FBXL17: variants seen among roughly 807,000 people sequenced by gnomAD.
FBXL17 encodes F-box and leucine rich repeat protein 17, also known as F-box/LRR-repeat protein 17.
In FBXL17, 22 loss-of-function variants were observed where a neutral mutation model predicts 66.2. The observed-to-expected ratio is 0.33, with a 90% CI of 0.24 to 0.47. The LOEUF (loss-of-function observed/expected upper bound fraction) is 0.47, where lower values mean the gene tolerates loss of function less well. Ranked by LOEUF, FBXL17 falls within the 20% of genes least tolerant of loss-of-function variation. The probability of loss-of-function intolerance (pLI) is 1.00; values close to 1 mark genes in which losing one functional copy is unlikely to be tolerated. For synonymous variants in FBXL17, 474 were observed against 400.5 expected, an observed-to-expected ratio of 1.18 and a Z score of -2.19; for missense variants, 878 against 948.2, an observed-to-expected ratio of 0.93 and a Z score of 0.97.
At chr5:108,048,147 G>A (rs1451806392) in intron 6 of FBXL17, among the ~76,000 whole-genome samples, 1 of 152,198 alleles carries the variant, frequency 6.6e-6, no homozygotes, top group African/African-American at 2.4e-5. Context: ...AGGCATGGGA[G>A]CAAAGCAGAT....
At chr5:108,211,361 T>C (rs967668141) in intron 5 of FBXL17, among the ~76,000 whole-genome samples, 1 of 152,192 alleles carries the variant, frequency 6.6e-6, no homozygotes, top group African/African-American at 2.4e-5. Flanking sequence ...AATTCGATCC[T>C]GTCATTATGA....
chr5:108,291,371 C>G (rs1375553038), intron 4 of FBXL17, among the ~76,000 whole-genome samples: 2 of 152,170 alleles, frequency 1.3e-5, no homozygotes, highest in Non-Finnish European at 2.9e-5. Flanking sequence ...TCATCACGTG[C>G]TCTGCTTTTC....
At chr5:108,333,805 G>A (rs746445551) in intron 4 of FBXL17, among the ~76,000 whole-genome samples, 2 of 151,940 alleles carry the variant, frequency 1.3e-5, no homozygotes, top group Non-Finnish European at 2.9e-5. Flanking sequence ...GATTAGAAAG[G>A]GTTATCTTAA....
chr5:108,179,670 A>C (rs905140400), intron 6 of FBXL17, among the ~76,000 whole-genome samples: 3 of 152,270 alleles, frequency 2.0e-5, no homozygotes, highest in Admixed American at 6.5e-5. Context: ...CAAAGAGTGC[A>C]TTCTCTATTT....
At chr5:108,230,086 T>C (rs1755262286) in intron 4 of FBXL17, among the ~76,000 whole-genome samples, 2 of 152,196 alleles carry the variant, frequency 1.3e-5, no homozygotes, top group Admixed American at 1.3e-4. Flanking sequence ...TTGGCGTAGA[T>C]GTGGTTAAAA....
intron 7 of FBXL17, among the ~76,000 whole-genome samples, chr5:107,907,776 A>G: frequency 6.6e-6 from 1 of 152,210 alleles, no homozygotes; most frequent in Non-Finnish European, 1.5e-5. Flanking sequence ...AATGGCAATC[A>G]TTAAAAAGTC....
At chr5:108,351,920 G>A (rs539889700) in intron 3 of FBXL17, among the ~76,000 whole-genome samples, 27 of 152,336 alleles carry the variant, frequency 1.8e-4, no homozygotes, top group Non-Finnish European at 1.2e-4. Flanking sequence ...AAATCACAGC[G>A]CCGCAGGCTG....
At chr5:107,966,179 T>C (rs922664993) in intron 7 of FBXL17, among the ~76,000 whole-genome samples, 1 of 152,166 alleles carries the variant, frequency 6.6e-6, no homozygotes, top group African/African-American at 2.4e-5. Flanking sequence ...CTTTCAACTC[T>C]TGCAAGCCAT....
chr5:107,995,082 C>T (rs892589167), intron 7 of FBXL17, among the ~76,000 whole-genome samples: 3 of 152,100 alleles, frequency 2.0e-5, no homozygotes, highest in African/African-American at 7.2e-5. Flanking sequence ...TGAAGATTCA[C>T]TGAACTGCGT....
At chr5:108,246,664 C>T (rs867373731) in intron 4 of FBXL17, among the ~76,000 whole-genome samples, 11 of 152,134 alleles carry the variant, frequency 7.2e-5, no homozygotes, top group African/African-American at 2.2e-4. Context: ...AACAGAATTG[C>T]CATAGGGCAT....
At chr5:108,100,433 A>G (rs947729809) in intron 6 of FBXL17, among the ~76,000 whole-genome samples, 13 of 152,314 alleles carry the variant, frequency 8.5e-5, no homozygotes, top group African/African-American at 2.9e-4. Flanking sequence ...ATTTATCCTT[A>G]CATCAAACTG....
chr5:108,354,262 T>C (rs1367538641), intron 3 of FBXL17, among the ~76,000 whole-genome samples: 1 of 152,186 alleles, frequency 6.6e-6, no homozygotes, highest in African/African-American at 2.4e-5. Flanking sequence ...GCAGGAATGT[T>C]GGAATTACCA....
chr5:108,009,085 T>C (rs1050848920), intron 7 of FBXL17, among the ~76,000 whole-genome samples: 1 of 149,408 alleles, frequency 6.7e-6, no homozygotes, highest in African/African-American at 2.5e-5. Context: ...ACATAGCTAG[T>C]TTTCCACACA....
chr5:108,221,014 A>C (rs1235860808), intron 5 of FBXL17, among the ~76,000 whole-genome samples: 2 of 152,168 alleles, frequency 1.3e-5, no homozygotes, highest in African/African-American at 4.8e-5. Flanking sequence ...CAGTCCCATA[A>C]ATATGACTTT....
At chr5:108,057,368 T>C (rs747228692) in intron 6 of FBXL17, among the ~76,000 whole-genome samples, 64 of 152,288 alleles carry the variant, frequency 4.2e-4, no homozygotes, top group Non-Finnish European at 6.3e-4. Context: ...AGAAATAGTA[T>C]GATTTTCATG....
intron 6 of FBXL17, among the ~76,000 whole-genome samples, chr5:108,048,453 G>A (rs1363444748): frequency 6.6e-6 from 1 of 152,186 alleles, no homozygotes; most frequent in Non-Finnish European, 1.5e-5. Context: ...GGCAGAAGAT[G>A]AGACGGACAA....
At chr5:107,927,394 T>C (rs1168384380) in intron 7 of FBXL17, among the ~76,000 whole-genome samples, 1 of 152,174 alleles carries the variant, frequency 6.6e-6, no homozygotes, top group African/African-American at 2.4e-5. Context: ...GAAGTGGATG[T>C]TGTAGACGGC....
chr5:108,102,061 T>C (rs1397324310), intron 6 of FBXL17, among the ~76,000 whole-genome samples: 1 of 152,070 alleles, frequency 6.6e-6, no homozygotes, highest in Non-Finnish European at 1.5e-5. Context: ...TGAGATGAGC[T>C]GAATTCGTTT....
At chr5:107,902,527 T>C (rs1203218373) in intron 7 of FBXL17, among the ~76,000 whole-genome samples, 1 of 151,924 alleles carries the variant, frequency 6.6e-6, no homozygotes, top group Non-Finnish European at 1.5e-5. Context: ...AGGGTAGGAG[T>C]TGCGGCGGTC....
Sources: gnomAD v4.1 joint callset for allele counts (sites outside exome capture counted in the v4.1 genomes callset) on GRCh38, gnomAD v4.1.1 for gene constraint, MANE v1.5 for transcripts, NCBI Gene and HGNC (gene_info 2026-07-23, HGNC 2026-07-21) for gene names.